The following RGS7BP variants were observed in gnomAD, a reference collection of about 807,000 sequenced individuals.
The protein encoded by RGS7BP is regulator of G protein signaling 7 binding protein.
RGS7BP carries 9 observed loss-of-function variants against 31.3 expected under a neutral mutation model. That is an observed-to-expected ratio of 0.29 (90% CI 0.17 to 0.50). The LOEUF (loss-of-function observed/expected upper bound fraction) is 0.50. Ranked by LOEUF, RGS7BP falls within the 20% of genes least tolerant of loss-of-function variation. The probability of loss-of-function intolerance (pLI) is 0.98; values close to 1 mark genes in which losing one functional copy is unlikely to be tolerated. For synonymous variants in RGS7BP, 115 were observed against 120.1 expected (o/e 0.96, Z 0.28); for missense variants, 274 against 322.0 (o/e 0.85, Z 1.14).
At chr5:64,585,559 C>T (rs1241171811) in intron 3 of RGS7BP, among the ~76,000 whole-genome samples, 2 of 152,016 alleles carry the variant, frequency 1.3e-5, no homozygotes, top group African/African-American at 4.8e-5. Flanking sequence ...CCAGCCCACT[C>T]CTCTGGTGCC....
At chr5:64,531,748 A>G (rs868008620) in intron 2 of RGS7BP, among the ~76,000 whole-genome samples, 2 of 152,192 alleles carry the variant, frequency 1.3e-5, no homozygotes, top group Non-Finnish European at 2.9e-5. Context: ...GTGCACATGT[A>G]TGGTAGGCTT....
intron 2 of RGS7BP, among the ~76,000 whole-genome samples, chr5:64,559,213 C>T (rs1470826715): frequency 6.6e-6 from 1 of 152,072 alleles, no homozygotes; most frequent in Non-Finnish European, 1.5e-5. Flanking sequence ...TGTGATGTCT[C>T]CCCCAGACAC....
intron 2 of RGS7BP, among the ~76,000 whole-genome samples, chr5:64,510,537 G>A (rs962788474): frequency 5.9e-5 from 9 of 152,172 alleles, no homozygotes; most frequent in Admixed American, 2.0e-4. Context: ...TAGGACTGGA[G>A]GCGAGAGCAG....
intron 5 of RGS7BP, 82 bp downstream of exon 5, chr5:64,598,517 T>A: frequency 1.1e-6 from 1 of 871,340 alleles, no homozygotes; most frequent in Admixed American, 1.8e-5. Flanking sequence ...AATTAAAGCA[T>A]GTGTCTCACA....
chr5:64,575,461 G>T (rs914763689), intron 2 of RGS7BP, among the ~76,000 whole-genome samples: 5 of 152,108 alleles, frequency 3.3e-5, no homozygotes, highest in Admixed American at 3.3e-4. Context: ...GATTCTTATG[G>T]TTTTTGGAAA....
In RGS7BP at chr5:64,575,922, T is replaced by G; in HGVS notation, c.463+18T>G. 1 of 1,603,202 alleles carries G rather than the reference T, an allele frequency of 6.2e-7. No homozygotes were observed. The highest frequency in any genetic ancestry group is 8.5e-7 in the Non-Finnish European group (1 of 1,175,540). On this transcript the variant is annotated intron_variant, in intron 3 of 5. Transcript: ENST00000334025. ...TCGAAAAGGTATCTACATTTAATAT[T>G]GCCGGAAACACTGAGGAATGTTGAA...
intron 2 of RGS7BP, among the ~76,000 whole-genome samples, chr5:64,532,260 T>A (rs1253266335): frequency 6.6e-6 from 1 of 152,046 alleles, no homozygotes; most frequent in Non-Finnish European, 1.5e-5. Flanking sequence ...AATCTTTTTC[T>A]GAATAGTGCA....
At chr5:64,578,375 A>G (rs1320987352) in intron 3 of RGS7BP, among the ~76,000 whole-genome samples, 1 of 152,238 alleles carries the variant, frequency 6.6e-6, no homozygotes, top group Non-Finnish European at 1.5e-5. Flanking sequence ...TCTATCTTCT[A>G]AAATCATTAT....
intron 2 of RGS7BP, among the ~76,000 whole-genome samples, chr5:64,558,999 C>A (rs963549648): frequency 2.0e-4 from 31 of 152,274 alleles, no homozygotes; most frequent in Middle Eastern, 3.4e-3. Flanking sequence ...GCGTGCACAG[C>A]GGGACACGGA....
intron 5 of RGS7BP, among the ~76,000 whole-genome samples, chr5:64,606,979 G>A (rs991147516): frequency 6.9e-6 from 1 of 145,768 alleles, no homozygotes; most frequent in African/African-American, 2.5e-5. Flanking sequence ...GAGACTGGGA[G>A]GGTGGACTGT....
intron 4 of RGS7BP, among the ~76,000 whole-genome samples, chr5:64,595,359 A>G (rs1247217767): frequency 6.6e-6 from 1 of 152,140 alleles, no homozygotes; most frequent in East Asian, 1.9e-4. Flanking sequence ...CCAGTTCACA[A>G]AGGGCTTCTC....
At chr5:64,594,619 T>C in intron 3 of RGS7BP, 91 bp from the exon 4 acceptor site, 3 of 1,259,702 alleles carry the variant, frequency 2.4e-6, no homozygotes, top group Non-Finnish European at 2.3e-6. Context: ...ACTCAAAGCA[T>C]AGCCAACCTT....
intron 2 of RGS7BP, among the ~76,000 whole-genome samples, chr5:64,516,531 G>A (rs1206217533): frequency 3.9e-5 from 6 of 152,032 alleles, no homozygotes; most frequent in South Asian, 2.1e-4. Context: ...CTCCTAAAAC[G>A]CTCCTCTGAT....
At chr5:64,516,802 T>A (rs1192545617) in intron 2 of RGS7BP, among the ~76,000 whole-genome samples, 1 of 152,128 alleles carries the variant, frequency 6.6e-6, no homozygotes, top group Non-Finnish European at 1.5e-5. Context: ...GGGCTGCACA[T>A]GGAAATCACC....
chr5:64,562,050 G>A (rs1411881347), intron 2 of RGS7BP, among the ~76,000 whole-genome samples: 1 of 152,108 alleles, frequency 6.6e-6, no homozygotes, highest in Non-Finnish European at 1.5e-5. Context: ...GGAAATAAAG[G>A]ACTGCAAGTT....
intron 2 of RGS7BP, among the ~76,000 whole-genome samples, chr5:64,565,325 CTT>C (rs576029071): frequency 1.2e-4 from 18 of 152,158 alleles, no homozygotes; most frequent in African/African-American, 2.6e-4. Flanking sequence ...CTTGCTCTCT[CTT>C]TCTCTCTCTA....
At chr5:64,585,598 G>T (rs1239555770) in intron 3 of RGS7BP, among the ~76,000 whole-genome samples, 1 of 152,102 alleles carries the variant, frequency 6.6e-6, no homozygotes, top group East Asian at 1.9e-4. Flanking sequence ...AGCTGCGAGT[G>T]CTCTATTGCA....
At chr5:64,552,036 C>T (rs749897384) in intron 2 of RGS7BP, among the ~76,000 whole-genome samples, 1 of 152,094 alleles carries the variant, frequency 6.6e-6, no homozygotes, top group Non-Finnish European at 1.5e-5. Flanking sequence ...TGGATATGTG[C>T]CTTTATCAAA....
At chr5:64,511,196 G>T (rs55759439) in intron 2 of RGS7BP, among the ~76,000 whole-genome samples, 3,817 of 152,314 alleles carry the variant, frequency 0.025, 78 homozygotes, top group Non-Finnish European at 0.042. Flanking sequence ...CTCAGACTAT[G>T]TTTTTTCTAA....
Sources: allele counts gnomAD v4.1 joint callset (sites outside exome capture counted in the v4.1 genomes callset), GRCh38; gene constraint gnomAD v4.1.1; transcripts MANE v1.5; gene names NCBI Gene and HGNC (gene_info 2026-07-23, HGNC 2026-07-21).